Variants in XRCC5 observed in about 807,000 individuals in gnomAD.
XRCC5 encodes the protein DNA repair protein Ku80.
XRCC5 carries 12 observed loss-of-function variants against 95.7 expected under a neutral mutation model. That is an observed-to-expected ratio of 0.13 (90% CI 0.08 to 0.20). The LOEUF is 0.20. Among genes scored for constraint, XRCC5 ranks in the 10% least tolerant of loss-of-function variants. XRCC5 has a pLI of 1.00. For missense variants in XRCC5, 595 were observed against 873.9 expected (o/e 0.68, Z 4.02); for synonymous variants, 281 against 290.3 (o/e 0.97, Z 0.33).
In XRCC5 at chr2:216,138,116, A is replaced by G; in HGVS notation, c.1279A>G (p.Met427Val). 6.2e-7 allele frequency: 1 copy of G among 1,613,260 alleles called. No individual in the cohort carries two copies. Among genetic ancestry groups the G allele is most frequent in the East Asian group, 2.2e-5 (1 of 44,864 alleles). ...TTTAGTGTATGTGCAGCTGCCTTTC[A>G]TGGAAGACTTGCGGCAATACATGTT... The part of the protein sequence containing the change: ...ECLVYVQLPF[M>V]EDLRQYMFSS... The change falls in exon 12 of 21, where the codon ATG becomes GTG. Residue 427 changes from methionine to valine, a missense_variant. Coordinates refer to ENST00000392132, the MANE Select transcript of XRCC5 (RefSeq NM_021141.4).
At chr2:216,119,914 G>T (rs1474318975) in intron 5 of XRCC5, among the ~76,000 whole-genome samples, 1 of 152,166 alleles carries the variant, frequency 6.6e-6, no homozygotes, top group Admixed American at 6.5e-5. Flanking sequence ...TGAAAGTTGA[G>T]TGATGGTATA....
intron 16 of XRCC5, among the ~76,000 whole-genome samples, chr2:216,167,172 G>C (rs950442290): frequency 2.0e-5 from 3 of 152,122 alleles, no homozygotes; most frequent in South Asian, 2.1e-4. Context: ...GCAGTAATAT[G>C]TACTTGTCCA....
At chr2:216,176,598 C>T (rs752313940) in intron 16 of XRCC5, among the ~76,000 whole-genome samples, 1 of 151,918 alleles carries the variant, frequency 6.6e-6, no homozygotes, top group Non-Finnish European at 1.5e-5. Flanking sequence ...GATTTTGTAT[C>T]TTCCCTTTTT....
chr2:216,116,776 C>A lies in XRCC5; in HGVS notation c.253C>A (p.Leu85Ile). ...QNITVHRHLMLPDFDLLEDIE... is the reference protein window; with the variant it reads ...QNITVHRHLMIPDFDLLEDIE... ...CATCACAGTGCACAGACATCTGATG[C>A]TACCAGATTTTGATTTGCTGGAGGA... The change falls in exon 3 of 21, where the codon CTA (leucine) becomes ATA (isoleucine). Residue 85 changes from leucine to isoleucine, a missense_variant. Coordinates refer to ENST00000392132, the MANE Select transcript of XRCC5 (RefSeq NM_021141.4). 1 of 1,614,146 alleles carries A rather than the reference C, an allele frequency of 6.2e-7. No individual in the cohort carries two copies. Among genetic ancestry groups the A allele is most frequent in the Non-Finnish European group, 8.5e-7 (1 of 1,180,018 alleles).
chr2:216,135,748 G>A (rs1009363029), intron 10 of XRCC5, among the ~76,000 whole-genome samples: 3 of 151,716 alleles, frequency 2.0e-5, no homozygotes, highest in African/African-American at 7.3e-5. Context: ...GCAGTGAGCC[G>A]AGATTGTGCC....
intron 12 of XRCC5, among the ~76,000 whole-genome samples, chr2:216,140,000 A>T (rs935143411): frequency 2.0e-5 from 3 of 152,228 alleles, no homozygotes; most frequent in Admixed American, 6.5e-5. Context: ...TAGGAATGCA[A>T]TGCCAGGATG....
chr2:216,118,963 C>G, intron 4 of XRCC5, 80 bp from the exon 5 acceptor site: 3 of 1,475,784 alleles, frequency 2.0e-6, no homozygotes, highest in Non-Finnish European at 2.8e-6. Flanking sequence ...AGCTTCTCTC[C>G]TCAGTGACCA....
intron 10 of XRCC5, among the ~76,000 whole-genome samples, chr2:216,134,913 A>G (rs1417522631): frequency 6.6e-6 from 1 of 152,226 alleles, no homozygotes; most frequent in Non-Finnish European, 1.5e-5. Flanking sequence ...ATTTCTGCTA[A>G]TAAAGAATGT....
At chr2:216,136,032 G>A (rs868689527) in intron 10 of XRCC5, among the ~76,000 whole-genome samples, 2 of 152,156 alleles carry the variant, frequency 1.3e-5, no homozygotes, top group Non-Finnish European at 2.9e-5. Context: ...CTAGCAGGCA[G>A]TCTAAGTCTA....
At chr2:216,158,655 T>A (rs993914587) in intron 14 of XRCC5, among the ~76,000 whole-genome samples, 3 of 152,226 alleles carry the variant, frequency 2.0e-5, no homozygotes, top group African/African-American at 7.2e-5. Flanking sequence ...CCTTGTAATG[T>A]TTCCTGGTTC....
At chr2:216,119,200 C>A in intron 5 of XRCC5, 35 bp downstream of exon 5, 1 of 1,611,082 alleles carries the variant, frequency 6.2e-7, no homozygotes. Flanking sequence ...TAGACAAATC[C>A]TATGATTTCC....
At position 216,206,016 on chromosome 2, in the gene XRCC5, A is replaced by G. The variant is rs1463429020; in HGVS notation, c.*814A>G. The stretch of plus-strand genomic sequence containing the variant: ...AGCCTCAAAGAGAGAAAGTTTCGTT[A>G]TATTAAAACACTTAGGTAACTTTTC... On this transcript the variant is annotated 3_prime_UTR_variant, in exon 21 of 21. Coordinates refer to ENST00000392132, the MANE Select transcript of XRCC5 (RefSeq NM_021141.4). 1.3e-5 allele frequency: 2 copies of G among 152,254 alleles called. No homozygotes were observed. Among genetic ancestry groups the G allele is most frequent in the African/African-American group, 4.8e-5 (2 of 41,464 alleles). The allele number at this position is 152,254 out of a possible 1,614,324, so 9.4% of individuals were successfully genotyped here.
chr2:216,125,068 A>C (rs1285251809), intron 6 of XRCC5, among the ~76,000 whole-genome samples: 1 of 152,198 alleles, frequency 6.6e-6, no homozygotes, highest in Non-Finnish European at 1.5e-5. Flanking sequence ...TATTATATAC[A>C]TATAAAAATG....
chr2:216,118,505 A>G (rs1198820101), intron 4 of XRCC5, among the ~76,000 whole-genome samples: 1 of 152,156 alleles, frequency 6.6e-6, no homozygotes, highest in Non-Finnish European at 1.5e-5. Context: ...TTATTTAATT[A>G]TTGTGCCTTG....
chr2:216,122,005 C>G, intron 5 of XRCC5, 57 bp from the exon 6 acceptor site: 3 of 1,430,160 alleles, frequency 2.1e-6, no homozygotes, highest in Non-Finnish European at 2.8e-6. Context: ...TTTCTCATAG[C>G]TGATGAGTTA....
At chr2:216,167,570 TTGTGTGTGTGTGTGTGTGTGTGTG>T (rs58499938) in intron 16 of XRCC5, among the ~76,000 whole-genome samples, 3 of 138,396 alleles carry the variant, frequency 2.2e-5, no homozygotes, top group East Asian at 2.2e-4. Flanking sequence ...GTGTGTGGGT[TTGTGTGTGTGTGTGTGTGTGTGTG>T]TGTGTGTGTG....
intron 1 of XRCC5, among the ~76,000 whole-genome samples, chr2:216,111,596 C>T (rs1227452428): frequency 6.6e-6 from 1 of 152,126 alleles, no homozygotes; most frequent in Non-Finnish European, 1.5e-5. Flanking sequence ...ACTTAAATAT[C>T]TAGTTATTTC....
chr2:216,165,560 T>G, intron 16 of XRCC5, among the ~76,000 whole-genome samples: 1 of 152,236 alleles, frequency 6.6e-6, no homozygotes, highest in African/African-American at 2.4e-5. Flanking sequence ...GTTTTTCCGC[T>G]AGGGCATCTT....
intron 13 of XRCC5, among the ~76,000 whole-genome samples, chr2:216,142,488 T>C (rs369915644): frequency 2.0e-5 from 3 of 152,246 alleles, no homozygotes; most frequent in South Asian, 2.1e-4. Flanking sequence ...AGCTGACTTA[T>C]GCTGAGGAAG....
Sources: allele counts gnomAD v4.1 joint callset (sites outside exome capture counted in the v4.1 genomes callset), GRCh38; gene constraint gnomAD v4.1.1; transcripts MANE v1.5; gene names NCBI Gene and HGNC (gene_info 2026-07-23, HGNC 2026-07-21).